IL9R: variants seen among roughly 807,000 people sequenced by gnomAD.
The protein encoded by IL9R is interleukin 9 receptor.
In IL9R, 54 loss-of-function variants were observed where a neutral mutation model predicts 56.3. The ratio of observed to expected loss-of-function variants is 0.96; its 90% CI spans 0.77 to 1.20. The LOEUF (loss-of-function observed/expected upper bound fraction) is 1.20. IL9R is among the 50% of genes most tolerant of loss of function. The pLI, the probability that IL9R is intolerant of heterozygous loss-of-function variation, is 0.00. For missense variants in IL9R, 545 were observed against 629.8 expected, an observed-to-expected ratio of 0.87 and a Z score of 1.44; for synonymous variants, 212 against 250.2, an observed-to-expected ratio of 0.85 and a Z score of 1.44.
At position 156,003,555 on chromosome X, in the gene IL9R, C is replaced by T. The variant is rs1266931280; in HGVS notation, c.249C>T (p.Phe83=). 1.2e-6 allele frequency: 2 copies of T among 1,611,764 alleles called. No homozygotes were observed. Among genetic ancestry groups the T allele is most frequent in the Admixed American group, 1.7e-5 (1 of 60,000 alleles). ...LGQGSSPWLL[F]TSNQAPGGTH... ...AGGGCTCCAGCCCCTGGCTCCTCTTCACCAGGTGAGCATGGAGGGCCATGC... is the reference window on the plus strand; with the variant it reads ...AGGGCTCCAGCCCCTGGCTCCTCTTTACCAGGTGAGCATGGAGGGCCATGC... The change falls in exon 3 of 9, where the codon TTC becomes TTT. Residue 83 remains phenylalanine (F), a synonymous_variant. Transcript: ENST00000244174.
chrX:156,008,497 C>T lies in IL9R; in HGVS notation c.972+890C>T, dbSNP rs753021912. ...TCTTGGCAGAGTCTCCCTCTTTCCC[C>T]AAGGTGGTAGATGTGACTGTCAGGA... On this transcript the variant is annotated intron_variant, in intron 8 of 8. Coordinates refer to ENST00000244174, the MANE Select transcript of IL9R (RefSeq NM_002186.3). 3.1e-3 allele frequency among the ~76,000 whole-genome samples: 471 copies of T among 152,222 alleles called. 1 individual carries two copies. The highest frequency in any genetic ancestry group is 0.011 in the African/African-American group (447 of 41,460).
chrX:156,007,951 C>A, intron 8 of IL9R: 1 of 289,146 alleles, frequency 3.5e-6, no homozygotes, highest in Non-Finnish European at 6.0e-6. Flanking sequence ...GGTGTCTGTC[C>A]TGTGGCCATG....
intron 1 of IL9R, 51 bp from the exon 2 acceptor site, chrX:156,002,855 C>T (rs1277117420): frequency 2.5e-6 from 4 of 1,612,130 alleles, no homozygotes; most frequent in African/African-American, 1.3e-5. Flanking sequence ...TGGGGAGCAC[C>T]CCTCCAGAGA....
At chrX:156,002,810 G>A in intron 1 of IL9R, 96 bp from the exon 2 acceptor site, 1 of 1,566,990 alleles carries the variant, frequency 6.4e-7, no homozygotes, top group Non-Finnish European at 8.8e-7. Context: ...AGTGCAGGTG[G>A]GGACCCATGG....
rs373084630 is a variant in IL9R, at chrX:156,006,050, C to T, written c.782-33C>T. 94 of 1,294,160 alleles carry T rather than the reference C, an allele frequency of 7.3e-5. No homozygotes were observed. The African/African-American group carries it at 1.2e-3, about 17-fold the overall frequency. The allele number at this position is 1,294,160 out of a possible 1,614,324, so 80.2% of individuals were successfully genotyped here. A position where few individuals can be genotyped will look rare whatever the true frequency, so the allele number is the denominator to read the frequency against. On this transcript the variant is annotated intron_variant, in intron 6 of 8. Transcript: ENST00000244174. Reference sequence around the variant, plus strand: ...TGGGGGGAGCCTCCTGGCACTGAGGCTGCTCACAGCCCTGGGCCCTTCCTG... The same window carrying T: ...TGGGGGGAGCCTCCTGGCACTGAGGTTGCTCACAGCCCTGGGCCCTTCCTG...
chrX:156,002,836 A>T, intron 1 of IL9R, 70 bp from the exon 2 acceptor site: 1 of 1,609,920 alleles, frequency 6.2e-7, no homozygotes, highest in Admixed American at 1.7e-5. Flanking sequence ...TCTGCTGGGG[A>T]GCAATTCATG....
At chrX:156,003,918 G>A (rs1246069457) in intron 4 of IL9R, 63 bp downstream of exon 4, 1 of 1,555,654 alleles carries the variant, frequency 6.4e-7, no homozygotes, top group African/African-American at 1.4e-5. Flanking sequence ...CTGCTTGGGG[G>A]TTTGGAGCAG....
intron 2 of IL9R, 137 bp downstream of exon 2, chrX:156,003,156 C>T (rs2067657872): frequency 9.6e-7 from 1 of 1,046,714 alleles, no homozygotes; most frequent in Non-Finnish European, 1.4e-6. Flanking sequence ...TAGGGGTCAG[C>T]CTGGACCTCA....
chrX:156,002,866 G>C (rs374330761), intron 1 of IL9R, 40 bp from the exon 2 acceptor site: 33 of 1,612,960 alleles, frequency 2.0e-5, no homozygotes, highest in Middle Eastern at 1.9e-4. Flanking sequence ...CCTCCAGAGA[G>C]GGATGATTTG....
At chrX:156,004,639 C>T in intron 5 of IL9R, 74 bp downstream of exon 5, 2 of 1,445,622 alleles carry the variant, frequency 1.4e-6, no homozygotes, top group Non-Finnish European at 1.9e-6. Context: ...CCCCACTCTA[C>T]ATAGGGAGAT....
chrX:156,007,261 C>G (rs1414295858), intron 7 of IL9R, among the ~76,000 whole-genome samples: 1 of 142,010 alleles, frequency 7.0e-6, no homozygotes, highest in Non-Finnish European at 1.5e-5. Context: ...CAGCTAGTAA[C>G]TCCCCGTTCT....
chrX:156,000,655 C>T (rs2067457166), intron 1 of IL9R, among the ~76,000 whole-genome samples: 1 of 152,176 alleles, frequency 6.6e-6, no homozygotes, highest in Non-Finnish European at 1.5e-5. Context: ...GGTGAGGCTT[C>T]CCTGGTGACA....
Position 156,003,834 on chromosome X carries a change from G to C in IL9R, c.412G>C (p.Glu138Gln). 2 of 1,613,926 alleles carry C rather than the reference G, an allele frequency of 1.2e-6. No homozygotes were observed. Among genetic ancestry groups the C allele is most frequent in the Non-Finnish European group, 1.7e-6 (2 of 1,179,842 alleles). ...GGAGCAGGTCAGCCTGGTGGACCCG[G>C]AGTACCTGCCCCGGAGACACGGTGA... Reference protein sequence around the residue: ...GREQVSLVDPEYLPRRHVKLD... With the variant: ...GREQVSLVDPQYLPRRHVKLD... Residue 138 changes from glutamate (E) to glutamine (Q), a missense_variant, in exon 4 of 9, where the codon GAG becomes CAG. Around this residue, in one of 2 missense-constraint regions of IL9R, gnomAD observed 431 missense variants for 360.0 expected, o/e 1.20. Transcript: ENST00000244174.
In IL9R at chrX:156,004,514, C is replaced by G; in HGVS notation, c.528C>G (p.Thr176=). Residue 176 remains threonine (T), a synonymous_variant, in exon 5 of 9, where the codon ACC becomes ACG. Coordinates refer to ENST00000244174, the MANE Select transcript of IL9R (RefSeq NM_002186.3). ...WSISPALEPM[T]TLLSYELAFK... is the part of the protein sequence containing the mutation. ...TCAGTCCTGCCTTGGAGCCAATGAC[C>G]ACACTTCTCAGCTATGAGCTGGCCT... is the stretch of plus-strand genomic sequence containing the variant. The G allele has an allele frequency of 6.2e-7, 1 of 1,613,574 alleles. No individual in the cohort carries two copies. The highest frequency in any genetic ancestry group is 8.5e-7 in the Non-Finnish European group (1 of 1,179,852).
chrX:156,007,305 G>A (rs932534302), intron 7 of IL9R, among the ~76,000 whole-genome samples: 25 of 147,392 alleles, frequency 1.7e-4, no homozygotes, highest in African/African-American at 5.1e-4. Flanking sequence ...TGTAAAGGAC[G>A]CGCGCCTCAG....
chrX:156,003,114 G>A lies in IL9R; in HGVS notation c.142+95G>A, dbSNP rs2067654933. 4 of 1,532,346 alleles carry A rather than the reference G, an allele frequency of 2.6e-6. No individual in the cohort carries two copies. In the Admixed American group the frequency reaches 5.1e-5, roughly 20 times the overall value. The allele number at this position is 1,532,346 out of a possible 1,614,324, so 94.9% of individuals were successfully genotyped here. On this transcript the variant is annotated intron_variant, in intron 2 of 8. Transcript: ENST00000244174. ...TCCGATGTCAAGCCTCTAGGGAAAG[G>A]TTTGGCCCAAACTGTGCTGGGGCAT...
chrX:156,007,419 C>A (rs371031081), intron 7 of IL9R, 104 bp from the exon 8 acceptor site: 2 of 785,852 alleles, frequency 2.5e-6, no homozygotes, highest in Non-Finnish European at 4.5e-6. Flanking sequence ...GTGGCAGGGA[C>A]GAGGTGGGCG....
chrX:155,998,478 C>T (rs2067288595), intron 1 of IL9R, among the ~76,000 whole-genome samples: 3 of 152,116 alleles, frequency 2.0e-5, no homozygotes, highest in South Asian at 2.1e-4. Flanking sequence ...TCCCTGCCCC[C>T]ATTTTCTCTT....
Position 156,005,272 on chromosome X carries a change from C to T in IL9R, c.580-6C>T, listed in dbSNP as rs2067843996. The stretch of plus-strand genomic sequence containing the variant: ...CACCACCTGCTAACTGTCCCCACCC[C>T]CACAGCAGGCCCAGCACAGGGATCA... On this transcript the variant is annotated splice_region_variant and splice_polypyrimidine_tract_variant and intron_variant, in intron 5 of 8. Coordinates refer to ENST00000244174, the MANE Select transcript of IL9R (RefSeq NM_002186.3). 6.2e-7 allele frequency: 1 copy of T among 1,611,744 alleles called. No homozygotes were observed. Among genetic ancestry groups the T allele is most frequent in the Non-Finnish European group, 8.5e-7 (1 of 1,179,732 alleles).
Sources: gnomAD v4.1 joint callset for allele counts (sites outside exome capture counted in the v4.1 genomes callset) on GRCh38, gnomAD v4.1.1 for gene constraint, gnomAD v4.1.1 regional missense constraint, MANE v1.5 for transcripts, NCBI Gene and HGNC (gene_info 2026-07-23, HGNC 2026-07-21) for gene names.